The following SEC23B variants were observed in gnomAD, a reference collection of about 807,000 sequenced individuals.
SEC23B encodes protein transport protein Sec23B.
In SEC23B, 77 loss-of-function variants were observed where a neutral mutation model predicts 104.3. The observed-to-expected ratio is 0.74, with a 90% CI of 0.61 to 0.89. The LOEUF is 0.89. Among genes scored for constraint, SEC23B ranks in the 40% least tolerant of loss-of-function variants. SEC23B has a pLI of 0.00. For missense variants in SEC23B, 885 were observed against 949.4 expected, an observed-to-expected ratio of 0.93 and a Z score of 0.89; for synonymous variants, 338 against 332.5, an observed-to-expected ratio of 1.02 and a Z score of -0.18.
At chr20:18,535,230 CCCGGAACGATGGGTCACA>C (rs2060219005) in intron 11 of SEC23B, among the ~76,000 whole-genome samples, 1 of 127,358 alleles carries the variant, frequency 7.9e-6, no homozygotes, top group African/African-American at 2.9e-5. Context: ...TATGTGTAAA[CCCGGAACGATGGGTCACA>C]CCTGTAATCC....
rs1049458862 is a variant in SEC23B, at chr20:18,518,548, A to G, written c.366+2812A>G. 5.2e-4 allele frequency among the ~76,000 whole-genome samples: 77 copies of G among 149,288 alleles called. 1 individual carries two copies. The highest frequency in any genetic ancestry group is 1.8e-3 in the African/African-American group (74 of 40,682). On this transcript the variant is annotated intron_variant, in intron 4 of 19. Coordinates refer to ENST00000650089, the MANE Select transcript of SEC23B (RefSeq NM_006363.6). ...ACATGGAAGAGATTATGAAATGACA[A>G]CAGAATAGAATGGGCCTGTGAGGCT...
At chr20:18,540,467 T>G (rs2060277470) in intron 12 of SEC23B, among the ~76,000 whole-genome samples, 1 of 152,228 alleles carries the variant, frequency 6.6e-6, no homozygotes, top group African/African-American at 2.4e-5. Flanking sequence ...CAGGCTTTGT[T>G]GTTCCTTTTG....
rs911344948 is a variant in SEC23B at position 18,559,213 on chromosome 20, A to G, written c.2215-1438A>G. On this transcript the variant is annotated intron_variant, in intron 19 of 19. Transcript: ENST00000650089. Reference sequence around the variant, plus strand: ...ACTGCTTAGTGGGAATGAGAGTTCCAGCTCCCCCATAGCCTCCAGTGAGAC... The same window carrying G: ...ACTGCTTAGTGGGAATGAGAGTTCCGGCTCCCCCATAGCCTCCAGTGAGAC... 2.0e-5 allele frequency among the ~76,000 whole-genome samples: 3 copies of G among 152,116 alleles called. No individual in the cohort carries two copies. The South Asian group carries it at 6.2e-4, about 32-fold the overall frequency.
At chr20:18,527,968 A>G (rs1053399524) in intron 9 of SEC23B, among the ~76,000 whole-genome samples, 2 of 152,220 alleles carry the variant, frequency 1.3e-5, no homozygotes, top group African/African-American at 4.8e-5. Context: ...ATGCTGAAAC[A>G]ACTAGGATAA....
At chr20:18,532,452 T>A (rs1019806459) in intron 10 of SEC23B, among the ~76,000 whole-genome samples, 4 of 152,208 alleles carry the variant, frequency 2.6e-5, no homozygotes, top group Non-Finnish European at 5.9e-5. Context: ...AATGCTCATG[T>A]TTCAAGTGTT....
chr20:18,513,009 T>TCCC (rs2059994483), intron 3 of SEC23B, among the ~76,000 whole-genome samples: 1 of 151,792 alleles, frequency 6.6e-6, no homozygotes, highest in Non-Finnish European at 1.5e-5. Context: ...CATGGTGAAA[T>TCCC]CCCCTCTCTA....
intron 12 of SEC23B, among the ~76,000 whole-genome samples, chr20:18,539,132 A>T (rs920928634): frequency 6.6e-6 from 1 of 151,550 alleles, no homozygotes; most frequent in Non-Finnish European, 1.5e-5. Context: ...AGAATTGCTT[A>T]AACCAAGTGA....
intron 19 of SEC23B, among the ~76,000 whole-genome samples, chr20:18,560,120 A>T (rs765586306): frequency 0.019 from 2,825 of 151,980 alleles, 46 homozygotes; most frequent in Non-Finnish European, 0.02. Flanking sequence ...ATATATATAT[A>T]TATTTTTAAT....
intron 2 of SEC23B, among the ~76,000 whole-genome samples, chr20:18,511,869 G>A (rs1047837030): frequency 6.6e-6 from 1 of 151,746 alleles, no homozygotes; most frequent in African/African-American, 2.4e-5. Context: ...TCACATAGCC[G>A]GACAATAAAG....
intron 4 of SEC23B, among the ~76,000 whole-genome samples, chr20:18,523,033 C>T (rs2060098248): frequency 6.6e-6 from 1 of 151,696 alleles, no homozygotes. Flanking sequence ...CGCCACTGCA[C>T]TCCAGCCTGG....
At chr20:18,544,878 G>C (rs755097564) in intron 14 of SEC23B, among the ~76,000 whole-genome samples, 8 of 152,054 alleles carry the variant, frequency 5.3e-5, no homozygotes, top group Non-Finnish European at 8.8e-5. Context: ...ATGATTCTGT[G>C]TAAAGTCAAA....
chr20:18,537,221 C>G (rs1325590948), intron 12 of SEC23B, among the ~76,000 whole-genome samples: 2 of 151,242 alleles, frequency 1.3e-5, no homozygotes, highest in Non-Finnish European at 2.9e-5. Context: ...ACCATTTGAC[C>G]CAGCCATCCC....
chr20:18,548,735 A>G lies in SEC23B; in HGVS notation c.1870A>G (p.Ile624Val). 5 of 1,614,194 alleles carry G rather than the reference A, an allele frequency of 3.1e-6. No homozygotes were observed. In the South Asian group the frequency reaches 4.4e-5, roughly 14 times the overall value. Residue 624 changes from isoleucine to valine, a missense_variant, in exon 16 of 20, where the codon ATT becomes GTT. Physicochemically the swap from Ile to Val is conservative, Grantham distance 29. Coordinates refer to ENST00000650089, the MANE Select transcript of SEC23B (RefSeq NM_006363.6). Reference sequence around the variant, plus strand: ...CCAGTCCCTCATCATGATCCAGCCCATTCTCTACTCTTACTCCTTTCATGG... The same window carrying G: ...CCAGTCCCTCATCATGATCCAGCCCGTTCTCTACTCTTACTCCTTTCATGG... Reference protein sequence around the residue: ...LTQSLIMIQPILYSYSFHGPP... With the variant: ...LTQSLIMIQPVLYSYSFHGPP...
chr20:18,515,536 C>T, intron 3 of SEC23B, 114 bp from the exon 4 acceptor site: 1 of 702,106 alleles, frequency 1.4e-6, no homozygotes, highest in South Asian at 1.5e-5. Context: ...TAGTCTGGAG[C>T]TCCTGAGCTC....
intron 14 of SEC23B, among the ~76,000 whole-genome samples, chr20:18,543,885 T>C (rs2122130179): frequency 6.6e-6 from 1 of 152,292 alleles, no homozygotes; most frequent in Non-Finnish European, 1.5e-5. Context: ...TAGGAAAATG[T>C]CTCACTGGAG....
chr20:18,546,003 G>A lies in SEC23B; in HGVS notation c.1713G>A (p.Arg571=), dbSNP rs749638338. The A allele has an allele frequency of 5.0e-6, 8 of 1,588,272 alleles. No individual in the cohort carries two copies. In the African/African-American group the frequency reaches 8.1e-5, roughly 16 times the overall value. Residue 571 remains arginine (R), a synonymous_variant, in exon 15 of 20, where the codon AGG becomes AGA. Coordinates refer to ENST00000650089, the MANE Select transcript of SEC23B (RefSeq NM_006363.6). ...QYNKEDPTSF[R]LSDSFSLYPQ... is the part of the protein sequence containing the mutation. Reference sequence around the variant, plus strand: ...ACAAAGAAGACCCCACTTCTTTTAGGTTATCAGATTCCTTTTCTCTATATC... The same window carrying A: ...ACAAAGAAGACCCCACTTCTTTTAGATTATCAGATTCCTTTTCTCTATATC...
chr20:18,539,049 C>A (rs866072228), intron 12 of SEC23B, among the ~76,000 whole-genome samples: 51 of 136,692 alleles, frequency 3.7e-4, no homozygotes, highest in Non-Finnish European at 3.1e-4. Flanking sequence ...ACTAAAAATA[C>A]AAAAAAAAAA....
At chr20:18,532,176 C>T (rs918009428) in intron 10 of SEC23B, among the ~76,000 whole-genome samples, 1 of 152,198 alleles carries the variant, frequency 6.6e-6, no homozygotes, top group Admixed American at 6.5e-5. Flanking sequence ...TGAGGGTTTT[C>T]TTTTAAAGAT....
At chr20:18,532,867 T>C (rs1270685227) in intron 11 of SEC23B, 123 bp downstream of exon 11, 4 of 742,228 alleles carry the variant, frequency 5.4e-6, no homozygotes, top group Non-Finnish European at 9.8e-6. Context: ...GGAGAAGGGC[T>C]AACCCTCACT....
Sources: allele counts gnomAD v4.1 joint callset (sites outside exome capture counted in the v4.1 genomes callset), GRCh38; gene constraint gnomAD v4.1.1; transcripts MANE v1.5; gene names NCBI Gene and HGNC (gene_info 2026-07-23, HGNC 2026-07-21).